PHC3: variants seen among roughly 807,000 people sequenced by gnomAD.
PHC3 encodes polyhomeotic-like protein 3.
In PHC3, 13 loss-of-function variants were observed where a neutral mutation model predicts 107.4. The ratio of observed to expected loss-of-function variants is 0.12; its 90% CI spans 0.08 to 0.19. The LOEUF is 0.19. Among genes scored for constraint, PHC3 ranks in the 10% least tolerant of loss-of-function variants. The probability of loss-of-function intolerance (pLI) is 1.00; values close to 1 mark genes in which losing one functional copy is unlikely to be tolerated. For synonymous variants in PHC3, 456 were observed against 427.4 expected (o/e 1.07, Z -0.83); for missense variants, 992 against 1,210.9 (o/e 0.82, Z 2.68).
intron 8 of PHC3, among the ~76,000 whole-genome samples, chr3:170,124,952 A>C (rs1297441546): frequency 6.6e-6 from 1 of 152,228 alleles, no homozygotes; most frequent in Admixed American, 6.5e-5. Flanking sequence ...GGCTCCACTA[A>C]GAATAAAACA....
intron 4 of PHC3, among the ~76,000 whole-genome samples, chr3:170,153,718 G>A (rs886774051): frequency 1.5e-4 from 23 of 150,024 alleles, no homozygotes; most frequent in Non-Finnish European, 5.9e-5. Context: ...AGCCAAGATC[G>A]CGCCACTGCA....
chr3:170,133,463 C>A (rs1289198969), intron 7 of PHC3, among the ~76,000 whole-genome samples: 1 of 152,148 alleles, frequency 6.6e-6, no homozygotes, highest in African/African-American at 2.4e-5. Context: ...AGGCGTGAGC[C>A]ACCGTGCCAG....
chr3:170,178,943 C>A lies in PHC3; in HGVS notation c.15-5G>T. 1 of 1,608,786 alleles carries A rather than the reference C, an allele frequency of 6.2e-7. No individual in the cohort carries two copies. The highest frequency in any genetic ancestry group is 8.5e-7 in the Non-Finnish European group (1 of 1,176,724). On this transcript the variant is annotated splice_polypyrimidine_tract_variant and splice_region_variant and intron_variant, in intron 1 of 14. Transcript: ENST00000495893. The stretch of plus-strand genomic sequence containing the variant: ...GCTGTACTATGGTCCTTAAATCTGG[C>A]AGGTCACACAAAGTGTTTGTATTGG...
At chr3:170,160,683 C>T (rs1281825690) in intron 4 of PHC3, among the ~76,000 whole-genome samples, 1 of 152,150 alleles carries the variant, frequency 6.6e-6, no homozygotes, top group Non-Finnish European at 1.5e-5. Flanking sequence ...GGCAGATCAC[C>T]TGAGGTCAGG....
chr3:170,138,746 A>C (rs970633887), intron 6 of PHC3, among the ~76,000 whole-genome samples: 1 of 151,770 alleles, frequency 6.6e-6, no homozygotes, highest in African/African-American at 2.4e-5. Flanking sequence ...TAGATTTCTC[A>C]GATTGCCACT....
intron 4 of PHC3, among the ~76,000 whole-genome samples, chr3:170,168,174 G>GAAAGGC (rs1577250564): frequency 7.9e-6 from 1 of 125,976 alleles, no homozygotes; most frequent in Admixed American, 8.5e-5. Context: ...AAAGGGAATG[G>GAAAGGC]AAAGGCAAAG....
intron 4 of PHC3, among the ~76,000 whole-genome samples, chr3:170,155,626 C>G (rs2108634273): frequency 6.6e-6 from 1 of 151,984 alleles, no homozygotes; most frequent in Non-Finnish European, 1.5e-5. Context: ...GGCGGCTGAG[C>G]TGGGAGATCA....
At chr3:170,113,572 A>G in intron 10 of PHC3, 53 bp from the exon 11 acceptor site, 1 of 1,519,972 alleles carries the variant, frequency 6.6e-7, no homozygotes, top group East Asian at 2.3e-5. Flanking sequence ...AGACATTCAG[A>G]AATACTTTGG....
At chr3:170,153,228 T>A (rs1291515021) in intron 4 of PHC3, among the ~76,000 whole-genome samples, 4 of 152,198 alleles carry the variant, frequency 2.6e-5, no homozygotes, top group African/African-American at 9.6e-5. Context: ...CTGGAAGTCA[T>A]CCTGATGCTT....
At chr3:170,118,658 G>A (rs374163929) in intron 9 of PHC3, among the ~76,000 whole-genome samples, 3 of 152,022 alleles carry the variant, frequency 2.0e-5, no homozygotes, top group Non-Finnish European at 2.9e-5. Context: ...TGATCCACCC[G>A]CCTCGGCCTG....
At chr3:170,115,950 T>C (rs1356804703) in intron 10 of PHC3, among the ~76,000 whole-genome samples, 1 of 152,006 alleles carries the variant, frequency 6.6e-6, no homozygotes, top group Non-Finnish European at 1.5e-5. Flanking sequence ...TCTATCATAA[T>C]GCAAGATTTT....
chr3:170,144,308 T>C (rs138411218), intron 6 of PHC3, among the ~76,000 whole-genome samples: 1,597 of 150,210 alleles, frequency 0.011, 31 homozygotes, highest in African/African-American at 0.037. Flanking sequence ...GCCACTGTAC[T>C]CCAGCTTGGT....
rs1560012749 is a variant in PHC3 at position 170,096,336 on chromosome 3, T to C, written c.*894A>G. 1 of 152,164 alleles carries C rather than the reference T, an allele frequency of 6.6e-6. No individual in the cohort carries two copies. Among genetic ancestry groups the C allele is most frequent in the Non-Finnish European group, 1.5e-5 (1 of 68,016 alleles). The allele number at this position is 152,164 out of a possible 1,614,324, so 9.4% of individuals were successfully genotyped here. On this transcript the variant is annotated 3_prime_UTR_variant, in exon 15 of 15. Coordinates refer to ENST00000495893, the MANE Select transcript of PHC3 (RefSeq NM_024947.4). ...GGGTGAAAACAATATTTATCACTCC[T>C]TCTATATCAGAGTTTCTCAACCTTG... is the stretch of plus-strand genomic sequence containing the variant.
At chr3:170,123,870 CAG>C (rs1720840277) in intron 8 of PHC3, among the ~76,000 whole-genome samples, 1 of 151,298 alleles carries the variant, frequency 6.6e-6, no homozygotes, top group African/African-American at 2.4e-5. Context: ...TTTTTTTTGA[CAG>C]AGTCTCGCTC....
chr3:170,178,996 GA>G, intron 1 of PHC3, 58 bp from the exon 2 acceptor site: 2 of 1,449,332 alleles, frequency 1.4e-6, no homozygotes, highest in Non-Finnish European at 1.9e-6. Context: ...GAGCTTTAAA[GA>G]ATATTCATTC....
intron 4 of PHC3, among the ~76,000 whole-genome samples, chr3:170,152,677 T>TG (rs1726205185): frequency 6.6e-6 from 1 of 151,914 alleles, no homozygotes; most frequent in African/African-American, 2.4e-5. Context: ...CTTTTTTTTT[T>TG]TGAGACAGGG....
rs759895812 is a variant in PHC3 at position 170,129,229 on chromosome 3, G to C, written c.1243C>G (p.Pro415Ala). ...GTAGGAGACTGACTTGGTGAATGAG[G>C]TGGTGGAGGAGACACCACTACAGAC... ...QQSVVVSPPP[P>A]HSPSQSPTII... Residue 415 changes from proline to alanine, a missense_variant, in exon 8 of 15, where the codon CCT (proline) becomes GCT (alanine). Physicochemically the swap from Pro to Ala is conservative, Grantham distance 27. This residue lies in a region of PHC3 where 543 missense variants were observed against 590.8 expected (regional missense o/e 0.92). Coordinates refer to ENST00000495893, the MANE Select transcript of PHC3 (RefSeq NM_024947.4). The C allele has an allele frequency of 2.2e-5, 36 of 1,613,716 alleles. No homozygotes were observed. In the East Asian group the frequency reaches 7.8e-4, roughly 35 times the overall value.
chr3:170,178,077 GT>G (rs1182492441), intron 2 of PHC3, among the ~76,000 whole-genome samples: 2 of 152,090 alleles, frequency 1.3e-5, no homozygotes, highest in African/African-American at 4.8e-5. Context: ...GTGTTAAGAG[GT>G]AGGACCCCTG....
chr3:170,177,576 A>G (rs188765081), intron 2 of PHC3, among the ~76,000 whole-genome samples: 66 of 151,986 alleles, frequency 4.3e-4, no homozygotes, highest in African/African-American at 1.5e-3. Context: ...CATGTTGATC[A>G]GGCTGGTCTC....
Sources: gnomAD v4.1 joint callset for allele counts (sites outside exome capture counted in the v4.1 genomes callset) on GRCh38, gnomAD v4.1.1 for gene constraint, gnomAD v4.1.1 regional missense constraint, MANE v1.5 for transcripts, NCBI Gene and HGNC (gene_info 2026-07-23, HGNC 2026-07-21) for gene names.